LRRC4C: variants seen among roughly 807,000 people sequenced by gnomAD.
LRRC4C encodes the protein leucine rich repeat containing 4C.
LRRC4C carries 5 observed loss-of-function variants against 33.6 expected under a neutral mutation model. The ratio of observed to expected loss-of-function variants is 0.15; its 90% confidence interval spans 0.08 to 0.31. LRRC4C has a LOEUF of 0.31. LRRC4C is among the 10% of genes least tolerant of loss of function. The pLI, the probability that LRRC4C is intolerant of heterozygous loss-of-function variation, is 1.00. For synonymous variants in LRRC4C, 329 were observed against 302.0 expected (o/e 1.09, Z -0.93); for missense variants, 560 against 796.7 (o/e 0.70, Z 3.58).
intron 3 of LRRC4C, among the ~76,000 whole-genome samples, chr11:40,570,881 TAAAC>T (rs1209700759): frequency 6.6e-6 from 1 of 152,084 alleles, no homozygotes; most frequent in Non-Finnish European, 1.5e-5. Context: ...AGTGAAGAAA[TAAAC>T]AAAGAAATTA....
At position 40,335,627 on chromosome 11, in the gene LRRC4C, A is replaced by G. The variant is rs79548839; in HGVS notation, c.-269-15906T>C. ...CCAAATTCAAATGTTCACCCAGGTG[A>G]ATTTCTTTTTCACCGTCATTGTATG... On this transcript the variant is annotated intron_variant, in intron 3 of 6. Transcript: ENST00000528697. 4.0e-3 allele frequency among the ~76,000 whole-genome samples: 614 copies of G among 152,340 alleles called. 4 individuals carry two copies. The highest frequency in any genetic ancestry group is 0.014 in the African/African-American group (574 of 41,578).
At chr11:41,380,986 A>G (rs1408498422) in intron 1 of LRRC4C, among the ~76,000 whole-genome samples, 1 of 152,190 alleles carries the variant, frequency 6.6e-6, no homozygotes, top group Non-Finnish European at 1.5e-5. Flanking sequence ...AATCCATATT[A>G]TAAGCCAATA....
chr11:41,267,959 C>A (rs1298555781), intron 1 of LRRC4C, among the ~76,000 whole-genome samples: 2 of 152,014 alleles, frequency 1.3e-5, no homozygotes, highest in South Asian at 4.1e-4. Context: ...ACTTTGAGTA[C>A]CCTGCTTACC....
chr11:40,911,233 T>C (rs1481896681), intron 2 of LRRC4C, among the ~76,000 whole-genome samples: 1 of 152,152 alleles, frequency 6.6e-6, no homozygotes, highest in Non-Finnish European at 1.5e-5. Flanking sequence ...GATCTGAGAA[T>C]GTACAGACTG....
intron 5 of LRRC4C, among the ~76,000 whole-genome samples, chr11:40,193,983 G>C (rs189113206): frequency 3.7e-4 from 57 of 152,268 alleles, no homozygotes; most frequent in African/African-American, 1.3e-3. Flanking sequence ...ATGTTTGATT[G>C]GTGTACCTGA....
At chr11:40,650,414 C>A (rs982495579) in intron 2 of LRRC4C, among the ~76,000 whole-genome samples, 4 of 152,144 alleles carry the variant, frequency 2.6e-5, no homozygotes, top group African/African-American at 9.7e-5. Flanking sequence ...ACTTTCCTAA[C>A]AAGGAAAGTA....
intron 1 of LRRC4C, among the ~76,000 whole-genome samples, chr11:40,983,722 G>T (rs915205322): frequency 2.0e-5 from 3 of 152,080 alleles, no homozygotes; most frequent in Non-Finnish European, 4.4e-5. Flanking sequence ...CATATATGTG[G>T]CTAATAAGTG....
At chr11:40,429,570 A>AT (rs536780178) in intron 3 of LRRC4C, among the ~76,000 whole-genome samples, 43 of 151,302 alleles carry the variant, frequency 2.8e-4, no homozygotes, top group Middle Eastern at 3.4e-3. Context: ...AATAATAATA[A>AT]AAAAAAAACA....
At chr11:41,406,435 C>T (rs528533819) in intron 1 of LRRC4C, among the ~76,000 whole-genome samples, 3 of 152,098 alleles carry the variant, frequency 2.0e-5, no homozygotes, top group African/African-American at 7.2e-5. Flanking sequence ...AATTAAGATT[C>T]TTCATCATTG....
chr11:40,412,532 C>T (rs1340702568), intron 3 of LRRC4C, among the ~76,000 whole-genome samples: 1 of 152,074 alleles, frequency 6.6e-6, no homozygotes, highest in Non-Finnish European at 1.5e-5. Context: ...AAATGCATCT[C>T]CTCTTTTTCA....
At chr11:41,325,901 T>A (rs2137317309) in intron 1 of LRRC4C, among the ~76,000 whole-genome samples, 1 of 152,222 alleles carries the variant, frequency 6.6e-6, no homozygotes, top group South Asian at 2.1e-4. Flanking sequence ...AAAAGATAAC[T>A]ATTAGGTACT....
At chr11:40,714,865 G>A (rs1045308757) in intron 2 of LRRC4C, among the ~76,000 whole-genome samples, 4 of 152,084 alleles carry the variant, frequency 2.6e-5, no homozygotes, top group African/African-American at 9.7e-5. Context: ...AGGAAAAATT[G>A]ATTATTTATA....
In LRRC4C at chr11:41,251,523, A is replaced by G. The variant is rs143212128; in HGVS notation, c.-496+207908T>C. ...TTACTCCTCCTTTTGTATTATTCCA[A>G]GCCATTTAGCACTCACAGCTTAATA... On this transcript the variant is annotated intron_variant, in intron 1 of 6. Coordinates refer to ENST00000528697, the MANE Select transcript of LRRC4C (RefSeq NM_001258419.2). 5.0e-3 allele frequency among the ~76,000 whole-genome samples: 767 copies of G among 152,276 alleles called. 3 individuals carry two copies. The highest frequency in any genetic ancestry group is 0.034 in the Middle Eastern group (10 of 294).
intron 2 of LRRC4C, among the ~76,000 whole-genome samples, chr11:40,678,902 A>G (rs1037542186): frequency 2.6e-5 from 4 of 152,288 alleles, no homozygotes; most frequent in Middle Eastern, 3.4e-3. Context: ...AAAATGTGGA[A>G]GCAACTTTGG....
chr11:40,864,468 T>C (rs1056657212), intron 2 of LRRC4C, among the ~76,000 whole-genome samples: 4 of 152,206 alleles, frequency 2.6e-5, no homozygotes, highest in Non-Finnish European at 4.4e-5. Flanking sequence ...GTGACTACAA[T>C]GGCAGAACTG....
intron 3 of LRRC4C, among the ~76,000 whole-genome samples, chr11:40,513,429 C>T (rs1200900081): frequency 6.6e-6 from 1 of 152,022 alleles, no homozygotes; most frequent in Non-Finnish European, 1.5e-5. Flanking sequence ...ATGGGATAAG[C>T]ACCCCAGCAG....
At chr11:40,338,741 C>G (rs1050670518) in intron 3 of LRRC4C, among the ~76,000 whole-genome samples, 3 of 152,080 alleles carry the variant, frequency 2.0e-5, no homozygotes, top group South Asian at 2.1e-4. Context: ...CTTACTCCAA[C>G]GTTTCTGAAT....
chr11:41,039,236 C>T (rs1335628139), intron 1 of LRRC4C, among the ~76,000 whole-genome samples: 1 of 152,074 alleles, frequency 6.6e-6, no homozygotes, highest in African/African-American at 2.4e-5. Flanking sequence ...TTCAGCAAAC[C>T]TTCAGAGAAC....
At chr11:41,074,641 AAAG>A (rs1324251696) in intron 1 of LRRC4C, among the ~76,000 whole-genome samples, 10 of 152,232 alleles carry the variant, frequency 6.6e-5, no homozygotes, top group African/African-American at 2.4e-4. Flanking sequence ...AAATTGCTAC[AAAG>A]AACAGGGGAA....
Sources: gnomAD v4.1 joint callset for allele counts (sites outside exome capture counted in the v4.1 genomes callset) on GRCh38, gnomAD v4.1.1 for gene constraint, MANE v1.5 for transcripts, NCBI Gene and HGNC (gene_info 2026-07-23, HGNC 2026-07-21) for gene names.